The following AGXT2 variants were observed in gnomAD, a reference collection of about 807,000 sequenced individuals.
AGXT2 encodes alanine--glyoxylate aminotransferase 2, also known as alanine--glyoxylate aminotransferase 2, mitochondrial.
Under a neutral mutation model 62.5 loss-of-function variants are expected in AGXT2, and 61 were observed. The observed-to-expected ratio is 0.98, with a 90% CI of 0.79 to 1.21. The LOEUF (loss-of-function observed/expected upper bound fraction) is 1.21, where lower values mean the gene tolerates loss of function less well. Ranked by LOEUF, AGXT2 falls within the 50% of genes most tolerant of loss-of-function variation. AGXT2 has a pLI of 0.00. For missense variants in AGXT2, 666 were observed against 641.5 expected (o/e 1.04, Z -0.41); for synonymous variants, 243 against 218.7 (o/e 1.11, Z -0.98).
Position 35,013,052 on chromosome 5 carries a change from G to T in AGXT2, c.1097-7C>A. 6.4e-7 allele frequency: 1 copy of T among 1,551,220 alleles called. No homozygotes were observed. ...GCCAAAGATTTGGCAATCTCTAGAG[G>T]GAGAAAATAGAAGGTGTGGAAAGAG... is the stretch of plus-strand genomic sequence containing the variant. On this transcript the variant is annotated splice_polypyrimidine_tract_variant and splice_region_variant and intron_variant, in intron 10 of 13. Transcript: ENST00000231420.
In AGXT2 at chr5:35,014,150, C is replaced by T. The variant is rs775517906; in HGVS notation, c.964-31G>A. On this transcript the variant is annotated intron_variant, in intron 9 of 13. Transcript: ENST00000231420. ...AAAACAAGTTCAAAACCATTGGAAA[C>T]CCTTCAAGAAATGCTGTTTTCGACA... The T allele has an allele frequency of 3.1e-6, 5 of 1,613,658 alleles. No homozygotes were observed. The African/African-American group carries it at 5.3e-5, about 17-fold the overall frequency.
At chr5:35,003,339 T>C (rs959602637) in intron 13 of AGXT2, among the ~76,000 whole-genome samples, 4 of 152,272 alleles carry the variant, frequency 2.6e-5, no homozygotes, top group East Asian at 1.9e-4. Context: ...CTTAGCAGGG[T>C]CACCAAGTCA....
chr5:35,043,318 A>T (rs1579517359), intron 1 of AGXT2, among the ~76,000 whole-genome samples: 1 of 152,174 alleles, frequency 6.6e-6, no homozygotes. Context: ...TGAAAAAAAG[A>T]TTCTAAAATA....
rs147306412 is a variant in AGXT2, at chr5:35,034,839, G to A, written c.581+383C>T. Among the ~76,000 whole-genome samples the A allele has an allele frequency of 2.0e-5, 3 of 152,226 alleles. No individual in the cohort carries two copies. In the East Asian group the frequency reaches 5.8e-4, roughly 29 times the overall value. Reference sequence around the variant, plus strand: ...TTATCATAAGCAGAAATTAAAATAGGCCGGTATTTTTTGGTAGAGCCTTGA... The same window carrying A: ...TTATCATAAGCAGAAATTAAAATAGACCGGTATTTTTTGGTAGAGCCTTGA... On this transcript the variant is annotated intron_variant, in intron 5 of 13. Transcript: ENST00000231420.
At chr5:35,027,620 T>A (rs1031780802) in intron 7 of AGXT2, among the ~76,000 whole-genome samples, 1 of 151,998 alleles carries the variant, frequency 6.6e-6, no homozygotes, top group East Asian at 1.9e-4. Flanking sequence ...CTGATCTTTT[T>A]CTTGATTGCG....
intron 6 of AGXT2, 74 bp downstream of exon 6, chr5:35,033,386 C>T: frequency 8.4e-7 from 1 of 1,185,010 alleles, no homozygotes; most frequent in Non-Finnish European, 1.3e-6. Flanking sequence ...AATCCTTATA[C>T]CAGGAAAACC....
intron 9 of AGXT2, among the ~76,000 whole-genome samples, chr5:35,023,181 AAAG>A (rs1767182041): frequency 1.3e-5 from 2 of 151,400 alleles, no homozygotes; most frequent in Non-Finnish European, 2.9e-5. Flanking sequence ...AAAAAAGAAA[AAAG>A]AAAAAAGAAA....
chr5:35,029,592 A>G lies in AGXT2; in HGVS notation c.770-3082T>C, dbSNP rs571510184. Among the ~76,000 whole-genome samples, 8 of 152,392 alleles carry G rather than the reference A, an allele frequency of 5.2e-5. No individual in the cohort carries two copies. In the South Asian group the frequency reaches 1.7e-3, roughly 32 times the overall value. ...GAGACAGGATGTTCTGTTGGATACT[A>G]CAACAGGATGACGAAGGAAGAATTT... On this transcript the variant is annotated intron_variant, in intron 7 of 13. Coordinates refer to ENST00000231420, the MANE Select transcript of AGXT2 (RefSeq NM_031900.4).
At chr5:35,002,585 C>T (rs527514609) in intron 13 of AGXT2, among the ~76,000 whole-genome samples, 26 of 152,196 alleles carry the variant, frequency 1.7e-4, no homozygotes, top group Non-Finnish European at 2.2e-4. Context: ...CCCATGAAGG[C>T]CCAGGGAGCT....
Position 35,035,231 on chromosome 5 carries a change from A to G in AGXT2, c.572T>C (p.Ile191Thr), listed in dbSNP as rs1423688970. Reference protein sequence around the residue: ...ARAHSNNIDIISFRGAYHGCS... With the variant: ...ARAHSNNIDITSFRGAYHGCS... ...TCCAAGTTGTGATTACCTGAAAGAA[A>G]TGATGTCTATGTTGTTTGAGTGCGC... The change falls in exon 5 of 14, where the codon ATT becomes ACT. Residue 191 changes from isoleucine to threonine, a missense_variant. Transcript: ENST00000231420. The G allele has an allele frequency of 1.2e-6, 2 of 1,613,998 alleles. No homozygotes were observed. The highest frequency in any genetic ancestry group is 4.5e-5 in the East Asian group (2 of 44,876).
rs1766333368 is a variant in AGXT2 at position 35,004,010 on chromosome 5, T to C, written c.1339-149A>G. The C allele has an allele frequency of 2.7e-5, 18 of 675,944 alleles. No homozygotes were observed. In the South Asian group the frequency reaches 3.3e-4, roughly 12 times the overall value. The allele number at this position is 675,944 out of a possible 1,614,324, so 41.9% of individuals were successfully genotyped here. A position where few individuals can be genotyped will look rare whatever the true frequency, so the allele number is the denominator to read the frequency against. On this transcript the variant is annotated intron_variant, in intron 12 of 13. Coordinates refer to ENST00000231420, the MANE Select transcript of AGXT2 (RefSeq NM_031900.4). ...CTTTCTCTCTGTCCTCTCCTTCCCC[T>C]GTAATTAAATGAAGCTGCTAATTGC...
intron 1 of AGXT2, among the ~76,000 whole-genome samples, chr5:35,046,421 T>C (rs1463380467): frequency 1.3e-5 from 2 of 152,150 alleles, no homozygotes; most frequent in East Asian, 3.9e-4. Flanking sequence ...CCAAACAGGA[T>C]TGGAAGACTA....
chr5:35,043,836 G>T (rs953114093), intron 1 of AGXT2, among the ~76,000 whole-genome samples: 2 of 152,106 alleles, frequency 1.3e-5, no homozygotes, highest in Admixed American at 6.5e-5. Flanking sequence ...GACCATAGGG[G>T]CATGCCACCA....
chr5:34,999,788 A>G (rs940163837), intron 13 of AGXT2, among the ~76,000 whole-genome samples: 1 of 152,118 alleles, frequency 6.6e-6, no homozygotes. Context: ...TCTCACATCC[A>G]TTTTTATAAA....
At chr5:35,010,483 G>A (rs962071566) in intron 11 of AGXT2, among the ~76,000 whole-genome samples, 3 of 151,988 alleles carry the variant, frequency 2.0e-5, no homozygotes, top group Admixed American at 6.6e-5. Context: ...TTCGGGACCA[G>A]CCTGGCCAAT....
At chr5:35,004,752 G>A (rs547211854) in intron 12 of AGXT2, among the ~76,000 whole-genome samples, 18 of 152,254 alleles carry the variant, frequency 1.2e-4, no homozygotes, top group African/African-American at 3.4e-4. Context: ...TGAGGTAGAC[G>A]GGGCCCCTCT....
At chr5:35,013,098 T>A in intron 10 of AGXT2, 53 bp from the exon 11 acceptor site, 1 of 1,467,838 alleles carries the variant, frequency 6.8e-7, no homozygotes, top group Admixed American at 2.0e-5. Flanking sequence ...CTGTCCACAA[T>A]CTCTCATCGC....
At chr5:34,998,939 TTC>T (rs1189954480) in intron 13 of AGXT2, 113 bp from the exon 14 acceptor site, 4 of 820,398 alleles carry the variant, frequency 4.9e-6, no homozygotes, top group Non-Finnish European at 8.1e-6. Context: ...TTTCTCATGT[TTC>T]TCTCAGTTTG....
chr5:35,035,078 G>T, intron 5 of AGXT2, 144 bp downstream of exon 5: 1 of 788,196 alleles, frequency 1.3e-6, no homozygotes, highest in Non-Finnish European at 2.1e-6. Flanking sequence ...AAATTCAATT[G>T]ACCTATCCTT....
Sources: gnomAD v4.1 joint callset for allele counts (sites outside exome capture counted in the v4.1 genomes callset) on GRCh38, gnomAD v4.1.1 for gene constraint, MANE v1.5 for transcripts, NCBI Gene and HGNC (gene_info 2026-07-23, HGNC 2026-07-21) for gene names.